The following TTC28 variants were observed in gnomAD, a reference collection of about 807,000 sequenced individuals.
TTC28 encodes tetratricopeptide repeat domain 28, also known as tetratricopeptide repeat protein 28.
TTC28 carries 61 observed loss-of-function variants against 198.0 expected under a neutral mutation model. That is an observed-to-expected ratio of 0.31 (90% CI 0.25 to 0.38). The LOEUF (loss-of-function observed/expected upper bound fraction) is 0.38. Among genes scored for constraint, TTC28 ranks in the 10% least tolerant of loss-of-function variants. The pLI is 1.00. For missense variants in TTC28, 2,678 were observed against 3,164.0 expected, an observed-to-expected ratio of 0.85 and a Z score of 3.69; for synonymous variants, 1,171 against 1,297.8, an observed-to-expected ratio of 0.90 and a Z score of 2.10.
At chr22:28,580,540 C>T (rs1048914772) in intron 2 of TTC28, among the ~76,000 whole-genome samples, 1 of 152,086 alleles carries the variant, frequency 6.6e-6, no homozygotes, top group Non-Finnish European at 1.5e-5. Flanking sequence ...ATCTGGCCAA[C>T]TAATTTTTGT....
In TTC28 at chr22:28,678,630, T is replaced by C. The variant is rs145971580; in HGVS notation, c.102+992A>G. On this transcript the variant is annotated intron_variant, in intron 1 of 22. Transcript: ENST00000397906. ...AAGTTGGGAGCTGAGAAAAATCATA[T>C]ACTGTAAAATAAATCTGAGATATTA... Among the ~76,000 whole-genome samples, 62 of 152,304 alleles carry C rather than the reference T, an allele frequency of 4.1e-4. 1 individual carries two copies. The East Asian group carries it at 9.4e-3, about 23-fold the overall frequency.
At chr22:28,192,375 A>G (rs1338978666) in intron 5 of TTC28, among the ~76,000 whole-genome samples, 1 of 152,226 alleles carries the variant, frequency 6.6e-6, no homozygotes, top group Admixed American at 6.5e-5. Context: ...TCTAAAAATT[A>G]GAGTGCCTCT....
At chr22:28,176,096 G>C (rs1923141000) in intron 5 of TTC28, among the ~76,000 whole-genome samples, 1 of 152,158 alleles carries the variant, frequency 6.6e-6, no homozygotes, top group Admixed American at 6.5e-5. Flanking sequence ...GTATGTCAAG[G>C]AGATTACCTG....
chr22:28,389,366 T>G (rs1197471855), intron 2 of TTC28, among the ~76,000 whole-genome samples: 1 of 151,654 alleles, frequency 6.6e-6, no homozygotes, highest in African/African-American at 2.4e-5. Context: ...TAAAATGAGT[T>G]AGGGAGGATT....
chr22:28,547,580 AT>A (rs1308691146), intron 2 of TTC28, among the ~76,000 whole-genome samples: 7 of 152,130 alleles, frequency 4.6e-5, no homozygotes, highest in South Asian at 2.1e-4. Flanking sequence ...TGAATCTAGT[AT>A]TCTGAGTCAC....
At chr22:28,181,132 G>A (rs527680180) in intron 5 of TTC28, among the ~76,000 whole-genome samples, 2 of 152,296 alleles carry the variant, frequency 1.3e-5, no homozygotes, top group East Asian at 3.9e-4. Flanking sequence ...GGGACCAGAG[G>A]AGCTTTCATA....
At chr22:28,118,621 G>T (rs950530415) in intron 6 of TTC28, among the ~76,000 whole-genome samples, 1 of 151,970 alleles carries the variant, frequency 6.6e-6, no homozygotes, top group African/African-American at 2.4e-5. Flanking sequence ...ATACCACGTA[G>T]CCTAAGTGTG....
At chr22:28,626,707 T>G (rs1415113801) in intron 2 of TTC28, among the ~76,000 whole-genome samples, 1 of 152,048 alleles carries the variant, frequency 6.6e-6, no homozygotes, top group Non-Finnish European at 1.5e-5. Flanking sequence ...TGATTTCAAT[T>G]TTGAACTCTA....
intron 2 of TTC28, among the ~76,000 whole-genome samples, chr22:28,557,471 A>G (rs1353439053): frequency 6.6e-6 from 1 of 152,220 alleles, no homozygotes; most frequent in Non-Finnish European, 1.5e-5. Flanking sequence ...TTTTATTCCA[A>G]CAACTACATT....
At chr22:28,095,974 G>C (rs1335617032) in intron 11 of TTC28, among the ~76,000 whole-genome samples, 3 of 152,186 alleles carry the variant, frequency 2.0e-5, no homozygotes, top group African/African-American at 4.8e-5. Context: ...ACATTCAACA[G>C]TGAGGAGCAG....
chr22:28,164,215 G>A (rs1303004727), intron 5 of TTC28, among the ~76,000 whole-genome samples: 2 of 152,200 alleles, frequency 1.3e-5, no homozygotes, highest in East Asian at 1.9e-4. Flanking sequence ...TCCACCTCTG[G>A]GAGCAGGGCA....
intron 21 of TTC28, among the ~76,000 whole-genome samples, chr22:27,987,205 G>T (rs1359197784): frequency 6.6e-6 from 1 of 152,232 alleles, no homozygotes; most frequent in African/African-American, 2.4e-5. Context: ...TTGAGTATCA[G>T]TGGCTCTTGG....
At chr22:28,466,432 C>T (rs752257424) in intron 2 of TTC28, among the ~76,000 whole-genome samples, 8 of 152,118 alleles carry the variant, frequency 5.3e-5, no homozygotes, top group Non-Finnish European at 8.8e-5. Context: ...ATTGCAGGTA[C>T]AGACAGCAAA....
intron 5 of TTC28, among the ~76,000 whole-genome samples, chr22:28,191,943 G>C (rs558881938): frequency 1.5e-4 from 23 of 152,172 alleles, no homozygotes; most frequent in African/African-American, 5.1e-4. Flanking sequence ...AGAGAGTAGT[G>C]GTTCTCCCAG....
At chr22:28,272,711 T>A (rs990186594) in intron 5 of TTC28, among the ~76,000 whole-genome samples, 9 of 152,200 alleles carry the variant, frequency 5.9e-5, no homozygotes, top group African/African-American at 2.2e-4. Flanking sequence ...GTATTTGGGA[T>A]GGAAGGGACC....
intron 12 of TTC28, among the ~76,000 whole-genome samples, chr22:28,065,150 G>A (rs10483141): frequency 0.018 from 2,764 of 152,264 alleles, 29 homozygotes; most frequent in Non-Finnish European, 0.026. Context: ...GGTCAGCCAG[G>A]ACAGACTCTT....
At position 27,999,153 on chromosome 22, in the gene TTC28, C is replaced by T. The variant is rs1937607989; in HGVS notation, c.4506G>A (p.Gly1502=). 1 of 1,550,610 alleles carries T rather than the reference C, an allele frequency of 6.4e-7. No homozygotes were observed. The highest frequency in any genetic ancestry group is 8.7e-7 in the Non-Finnish European group (1 of 1,146,990). ...CCTCTTCCTCGGCCGATGGCATGGG[C>T]CCCCACAGCCACCTGTCCATCACGG... ...PSAVMDRWLW[G]PMPSAEEEAY... is the part of the protein sequence containing the mutation. Residue 1502 remains glycine, a synonymous_variant, in exon 16 of 23, where the codon GGG becomes GGA. Coordinates refer to ENST00000397906, the MANE Select transcript of TTC28 (RefSeq NM_001145418.2).
chr22:28,618,570 T>C (rs992792875), intron 2 of TTC28, among the ~76,000 whole-genome samples: 2 of 150,744 alleles, frequency 1.3e-5, no homozygotes, highest in South Asian at 2.1e-4. Context: ...TAATCCCAGC[T>C]ACTGGGGAGG....
chr22:28,232,686 A>G (rs1005665030), intron 5 of TTC28: 1 of 152,248 alleles, frequency 6.6e-6, no homozygotes, highest in Non-Finnish European at 1.5e-5. Context: ...CTCAAGACAG[A>G]ACAGATGGAT....
Sources: gnomAD v4.1 joint callset for allele counts (sites outside exome capture counted in the v4.1 genomes callset) on GRCh38, gnomAD v4.1.1 for gene constraint, MANE v1.5 for transcripts, NCBI Gene and HGNC (gene_info 2026-07-23, HGNC 2026-07-21) for gene names.